The following SYNJ2 variants were observed in gnomAD, a reference collection of about 807,000 sequenced individuals.
SYNJ2 encodes synaptojanin 2, also known as polyphosphatidylinositol phosphatase SYNJ2.
A neutral mutation model predicts 141.3 loss-of-function variants in SYNJ2; 116 were observed. The ratio of observed to expected loss-of-function variants is 0.82; its 90% CI spans 0.71 to 0.96. The LOEUF is 0.96. Ranked by LOEUF, SYNJ2 falls within the 40% of genes least tolerant of loss-of-function variation. The probability of loss-of-function intolerance (pLI) is 0.00; values close to 1 mark genes in which losing one functional copy is unlikely to be tolerated. For synonymous variants in SYNJ2, 745 were observed against 777.7 expected (o/e 0.96, Z 0.70); for missense variants, 1,873 against 1,934.8 (o/e 0.97, Z 0.60).
In SYNJ2 at chr6:158,076,710, G is replaced by C; in HGVS notation, c.2377G>C (p.Asp793His). 1 of 1,614,192 alleles carries C rather than the reference G, an allele frequency of 6.2e-7. No individual in the cohort carries two copies. Among genetic ancestry groups the C allele is most frequent in the Non-Finnish European group, 8.5e-7 (1 of 1,180,042 alleles). Residue 793 changes from aspartate (D) to histidine (H), a missense_variant, in exon 17 of 27, where the codon GAC (aspartate) becomes CAC (histidine). Asp to His is a moderately conservative substitution (Grantham distance 81). Transcript: ENST00000355585. ...DVGSAAYDTS[D>H]KCRTPAWTDR... is the part of the protein sequence containing the mutation. ...TGGCTCAGCCGCCTACGATACAAGC[G>C]ACAAATGCCGCACCCCCGCCTGGAC...
intron 1 of SYNJ2, among the ~76,000 whole-genome samples, chr6:158,012,584 C>G (rs1296532613): frequency 6.6e-6 from 1 of 152,236 alleles, no homozygotes; most frequent in Non-Finnish European, 1.5e-5. Context: ...CGACACCTTC[C>G]TTTCAGCTCA....
intron 4 of SYNJ2, among the ~76,000 whole-genome samples, chr6:158,039,306 G>T (rs1779809992): frequency 6.6e-6 from 1 of 152,252 alleles, no homozygotes; most frequent in South Asian, 2.1e-4. Context: ...GCCCTCCCTG[G>T]CTCTGCGGCC....
intron 1 of SYNJ2, among the ~76,000 whole-genome samples, chr6:157,987,223 G>T (rs1777239857): frequency 6.6e-6 from 1 of 152,096 alleles, no homozygotes; most frequent in Non-Finnish European, 1.5e-5. Flanking sequence ...CTGACCTCAG[G>T]TGATCCACCC....
Position 158,064,635 on chromosome 6 carries a change from GT to G in SYNJ2, c.1246del (p.Ser416GlnfsTer18), listed in dbSNP as rs1583443622. The G allele has an allele frequency of 6.2e-7, 1 of 1,614,068 alleles. No homozygotes were observed. The highest frequency in any genetic ancestry group is 2.2e-5 in the East Asian group (1 of 44,890). ...CTGCAGCTCAAGACCCTGGGGCTGA[GT>G]TCAAAACCCATCGTTGACCGCTTTG... ...LHLQLKTLGL[S>X]SKPIVDRFVE... is the part of the protein sequence containing the mutation. On this transcript the variant is annotated frameshift_variant, in exon 10 of 27. Coordinates refer to ENST00000355585, the MANE Select transcript of SYNJ2 (RefSeq NM_003898.4). LOFTEE classifies it high-confidence loss of function.
In SYNJ2 at chr6:158,028,547, G is replaced by A. The variant is rs552659764; in HGVS notation, c.215-209G>A. The A allele has an allele frequency of 1.1e-5, 7 of 624,238 alleles. 1 individual carries two copies. In the East Asian group the frequency reaches 2.0e-4, roughly 18 times the overall value. The allele number at this position is 624,238 out of a possible 1,614,324, so 38.7% of individuals were successfully genotyped here. On this transcript the variant is annotated intron_variant, in intron 2 of 26. Transcript: ENST00000355585. The stretch of plus-strand genomic sequence containing the variant: ...CCAGGGGATGCTGACTTGCTGGCCA[G>A]GGTCCCACACTTTGAGAAGCCCCGC...
Position 158,070,516 on chromosome 6 carries a change from G to A in SYNJ2, c.1940+843G>A, listed in dbSNP as rs1781852153. Reference sequence around the variant, plus strand: ...AGGTTAGCAGGTGAAGGTTAGTAAAGGTTAAAGGCAAGGGCGGGGTGAGGG... The same window carrying A: ...AGGTTAGCAGGTGAAGGTTAGTAAAAGTTAAAGGCAAGGGCGGGGTGAGGG... On this transcript the variant is annotated intron_variant, in intron 14 of 26. Transcript: ENST00000355585. The surrounding 1 kb of genome is among the most constrained non-coding windows in gnomAD (Gnocchi z 4.0). 3 of 985,380 alleles carry A rather than the reference G, an allele frequency of 3.0e-6. No homozygotes were observed. Among genetic ancestry groups the A allele is most frequent in the South Asian group, 4.7e-5 (1 of 21,292 alleles). 61.0% of individuals were successfully genotyped at this position (985,380 alleles called of 1,614,324 possible).
intron 1 of SYNJ2, among the ~76,000 whole-genome samples, chr6:157,990,427 CT>C (rs1290141816): frequency 6.6e-6 from 1 of 151,888 alleles, no homozygotes; most frequent in East Asian, 2.0e-4. Context: ...AGGACAGGGC[CT>C]CACCCCCGCA....
intron 3 of SYNJ2, among the ~76,000 whole-genome samples, chr6:158,031,893 C>CT (rs1193154816): frequency 5.9e-5 from 9 of 152,150 alleles, no homozygotes; most frequent in African/African-American, 2.2e-4. Flanking sequence ...CTCCTGAGCC[C>CT]TGGTGATAGT....
At chr6:158,065,354 G>C (rs1314536835) in intron 11 of SYNJ2, among the ~76,000 whole-genome samples, 1 of 152,172 alleles carries the variant, frequency 6.6e-6, no homozygotes, top group Non-Finnish European at 1.5e-5. Context: ...GGTGATGTTG[G>C]CTTTGGGAGC....
At chr6:158,081,367 C>T (rs1470044693) in intron 19 of SYNJ2, 40 bp downstream of exon 19, 7 of 1,612,776 alleles carry the variant, frequency 4.3e-6, no homozygotes, top group Non-Finnish European at 5.9e-6. Flanking sequence ...CAGGGGATGT[C>T]GATGAGGATC....
At chr6:157,984,713 G>C (rs2128312595) in intron 1 of SYNJ2, among the ~76,000 whole-genome samples, 1 of 152,322 alleles carries the variant, frequency 6.6e-6, no homozygotes, top group East Asian at 1.9e-4. Context: ...CCGAGAAGGT[G>C]AATTTTTACA....
At chr6:158,032,892 C>T (rs1461337982) in intron 3 of SYNJ2, among the ~76,000 whole-genome samples, 1 of 152,182 alleles carries the variant, frequency 6.6e-6, no homozygotes, top group African/African-American at 2.4e-5. Context: ...ATTTTATTTT[C>T]CTCGGATCTT....
chr6:158,022,752 C>T (rs552294050), intron 2 of SYNJ2, among the ~76,000 whole-genome samples: 4 of 152,312 alleles, frequency 2.6e-5, no homozygotes, highest in Non-Finnish European at 4.4e-5. Context: ...CCAAGAACCC[C>T]GCAAGCCTAG....
intron 4 of SYNJ2, among the ~76,000 whole-genome samples, chr6:158,036,610 T>G (rs936569444): frequency 2.0e-5 from 3 of 152,054 alleles, no homozygotes; most frequent in African/African-American, 7.2e-5. Flanking sequence ...CACTGGGGCC[T>G]ATCAGAGGGT....
chr6:157,987,256 GGA>G (rs1455914463), intron 1 of SYNJ2, among the ~76,000 whole-genome samples: 2 of 152,132 alleles, frequency 1.3e-5, no homozygotes, highest in Admixed American at 1.3e-4. Flanking sequence ...CAAAGTGCTG[GGA>G]TTATAGGCGT....
At chr6:158,088,004 TATTTTAA>T (rs1783175341) in intron 23 of SYNJ2, among the ~76,000 whole-genome samples, 1 of 120,414 alleles carries the variant, frequency 8.3e-6, no homozygotes, top group African/African-American at 2.7e-5. Flanking sequence ...GCTGCAAGTA[TATTTTAA>T]CAGTTTATTC....
At chr6:158,091,480 G>A (rs1783446243) in intron 25 of SYNJ2, among the ~76,000 whole-genome samples, 1 of 151,542 alleles carries the variant, frequency 6.6e-6, no homozygotes, top group African/African-American at 2.4e-5. Context: ...TGGGTGCAGT[G>A]GCTCACGCCT....
rs111328617 is a variant in SYNJ2, at chr6:157,989,752, A to G, written c.127+7664A>G. Reference sequence around the variant, plus strand: ...CGCCCCCCAGTGCAAAGGATGCTACAAGGCCCCAGGCTTCTCAAGGAACAT... The same window carrying G: ...CGCCCCCCAGTGCAAAGGATGCTACGAGGCCCCAGGCTTCTCAAGGAACAT... On this transcript the variant is annotated intron_variant, in intron 1 of 26. Coordinates refer to ENST00000355585, the MANE Select transcript of SYNJ2 (RefSeq NM_003898.4). 3.5e-3 allele frequency among the ~76,000 whole-genome samples: 536 copies of G among 152,208 alleles called. 4 individuals carry two copies. The highest frequency in any genetic ancestry group is 5.3e-3 in the Non-Finnish European group (358 of 67,988).
chr6:158,032,742 GTTAA>G (rs962492309), intron 3 of SYNJ2, among the ~76,000 whole-genome samples: 1 of 152,300 alleles, frequency 6.6e-6, no homozygotes, highest in Non-Finnish European at 1.5e-5. Context: ...GGTGAAATGA[GTTAA>G]TCCACCCCAA....
Sources: allele counts gnomAD v4.1 joint callset (sites outside exome capture counted in the v4.1 genomes callset), GRCh38; gene constraint gnomAD v4.1.1; non-coding constraint Gnocchi (gnomAD v3.1); transcripts MANE v1.5; gene names NCBI Gene and HGNC (gene_info 2026-07-23, HGNC 2026-07-21).